Variants in OCA2 observed in about 807,000 individuals in gnomAD.
OCA2 encodes the protein P protein.
OCA2 carries 77 observed loss-of-function variants against 100.2 expected under a neutral mutation model. The ratio of observed to expected loss-of-function variants is 0.77; its 90% CI spans 0.64 to 0.93. OCA2 has a LOEUF of 0.93. OCA2 is among the 40% of genes least tolerant of loss of function. The pLI, the probability that OCA2 is intolerant of heterozygous loss-of-function variation, is 0.00. For missense variants in OCA2, 1,062 were observed against 1,089.1 expected, an observed-to-expected ratio of 0.98 and a Z score of 0.35; for synonymous variants, 432 against 439.2, an observed-to-expected ratio of 0.98 and a Z score of 0.21.
intron 5 of OCA2, among the ~76,000 whole-genome samples, chr15:28,023,556 C>A (rs868660758): frequency 1.3e-5 from 2 of 152,070 alleles, no homozygotes; most frequent in Admixed American, 6.6e-5. Flanking sequence ...GGGCAGGCTG[C>A]GTGGGAGAGC....
intron 23 of OCA2, among the ~76,000 whole-genome samples, chr15:27,837,982 A>T (rs2035217672): frequency 6.6e-6 from 1 of 151,964 alleles, no homozygotes. Context: ...CCTGGAACTG[A>T]CTCCGGCTGG....
intron 16 of OCA2, among the ~76,000 whole-genome samples, chr15:27,956,356 A>G (rs1032103171): frequency 6.6e-6 from 1 of 152,172 alleles, no homozygotes; most frequent in Non-Finnish European, 1.5e-5. Flanking sequence ...TCTCAAAAAA[A>G]TAAAACCTGC....
At chr15:27,791,648 A>G (rs1332037442) in intron 23 of OCA2, among the ~76,000 whole-genome samples, 1 of 152,210 alleles carries the variant, frequency 6.6e-6, no homozygotes, top group Non-Finnish European at 1.5e-5. Context: ...TACTGCATGT[A>G]TAATAAGACG....
intron 19 of OCA2, among the ~76,000 whole-genome samples, chr15:27,916,829 T>TG (rs1567102715): frequency 6.6e-6 from 1 of 152,078 alleles, no homozygotes; most frequent in Non-Finnish European, 1.5e-5. Context: ...TGCTTCAGAG[T>TG]GGGGCCTGTT....
At chr15:28,088,715 A>G (rs1291611356) in intron 1 of OCA2, among the ~76,000 whole-genome samples, 2 of 152,232 alleles carry the variant, frequency 1.3e-5, no homozygotes, top group Non-Finnish European at 2.9e-5. Flanking sequence ...GAGGGAGTAC[A>G]TGAATAGGGT....
chr15:27,993,635 C>G (rs1195663286), intron 9 of OCA2, among the ~76,000 whole-genome samples: 4 of 152,156 alleles, frequency 2.6e-5, no homozygotes, highest in Admixed American at 1.3e-4. Context: ...AGCACCCTCG[C>G]TAAGTTTGCT....
chr15:27,757,642 T>C (rs1231610054), intron 23 of OCA2, among the ~76,000 whole-genome samples: 1 of 152,182 alleles, frequency 6.6e-6, no homozygotes, highest in African/African-American at 2.4e-5. Context: ...ATTAAATGTC[T>C]CCATAACTCA....
intron 9 of OCA2, among the ~76,000 whole-genome samples, chr15:28,003,090 C>T (rs935566955): frequency 1.3e-5 from 2 of 152,224 alleles, no homozygotes; most frequent in Non-Finnish European, 1.5e-5. Flanking sequence ...CCGCGTCAGC[C>T]ACGCACGGAC....
chr15:27,828,019 A>AT (rs1251818771), intron 23 of OCA2, among the ~76,000 whole-genome samples: 2 of 152,080 alleles, frequency 1.3e-5, no homozygotes, highest in Non-Finnish European at 2.9e-5. Context: ...TCTTGTGACG[A>AT]TTTTTTCTTA....
chr15:27,994,501 C>T (rs891058467), intron 9 of OCA2, among the ~76,000 whole-genome samples: 4 of 152,208 alleles, frequency 2.6e-5, no homozygotes, highest in African/African-American at 9.7e-5. Flanking sequence ...ACAGAACGCA[C>T]CACCTAGCTT....
intron 19 of OCA2, among the ~76,000 whole-genome samples, chr15:27,878,310 T>C (rs564862640): frequency 6.6e-6 from 1 of 152,274 alleles, no homozygotes; most frequent in South Asian, 2.1e-4. Context: ...TCTGCTGTTC[T>C]TCATCCCTAA....
intron 6 of OCA2, among the ~76,000 whole-genome samples, chr15:28,019,236 G>A (rs190857513): frequency 6.6e-6 from 1 of 151,920 alleles, no homozygotes; most frequent in Non-Finnish European, 1.5e-5. Flanking sequence ...GGGAGGGAGA[G>A]AATAGGGAGA....
At chr15:27,985,232 G>C (rs117886461) in intron 12 of OCA2, 44 bp from the exon 13 acceptor site, 2 of 1,611,140 alleles carry the variant, frequency 1.2e-6, no homozygotes, top group Admixed American at 1.7e-5. Flanking sequence ...GAGTGAGCAG[G>C]CTCGTAGAAC....
chr15:27,957,746 A>C lies in OCA2; in HGVS notation c.1637-11T>G. The stretch of plus-strand genomic sequence containing the variant: ...TCTCGTGCTTCAGTTCTGCAGAGAA[A>C]GGAAGGCGAAGCTTGGGTCTCCCAT... On this transcript the variant is annotated splice_polypyrimidine_tract_variant and intron_variant, in intron 15 of 23. Transcript: ENST00000354638. The surrounding 1 kb of genome is among the most constrained non-coding windows in gnomAD (Gnocchi z 4.3). 6.2e-7 allele frequency: 1 copy of C among 1,613,086 alleles called. No individual in the cohort carries two copies. Among genetic ancestry groups the C allele is most frequent in the Non-Finnish European group, 8.5e-7 (1 of 1,180,012 alleles).
At chr15:27,767,848 T>C (rs1347294991) in intron 23 of OCA2, among the ~76,000 whole-genome samples, 2 of 152,212 alleles carry the variant, frequency 1.3e-5, no homozygotes, top group African/African-American at 4.8e-5. Flanking sequence ...GGAAGCTTTG[T>C]TCTTTCACTC....
At chr15:27,989,104 A>G (rs2041458636) in intron 11 of OCA2, among the ~76,000 whole-genome samples, 1 of 152,092 alleles carries the variant, frequency 6.6e-6, no homozygotes, top group South Asian at 2.1e-4. Flanking sequence ...TAGGACTCAC[A>G]CTAGTGAGTC....
chr15:27,791,492 G>C (rs1040988826), intron 23 of OCA2, among the ~76,000 whole-genome samples: 1 of 152,174 alleles, frequency 6.6e-6, no homozygotes, highest in African/African-American at 2.4e-5. Context: ...GCCAGTGGTT[G>C]CTCGGGGGAA....
intron 13 of OCA2, among the ~76,000 whole-genome samples, chr15:27,984,166 C>T (rs2041264095): frequency 6.6e-6 from 1 of 151,966 alleles, no homozygotes; most frequent in African/African-American, 2.4e-5. Context: ...TTCATGCTAA[C>T]TGTATTCACC....
chr15:27,849,221 A>G (rs866994536), intron 22 of OCA2, among the ~76,000 whole-genome samples: 1 of 118,212 alleles, frequency 8.5e-6, no homozygotes, highest in African/African-American at 4.2e-5. Flanking sequence ...ACACAGCCAC[A>G]TGCTGCCTGG....
Sources: allele counts gnomAD v4.1 joint callset (sites outside exome capture counted in the v4.1 genomes callset), GRCh38; gene constraint gnomAD v4.1.1; non-coding constraint Gnocchi (gnomAD v3.1); transcripts MANE v1.5; gene names NCBI Gene and HGNC (gene_info 2026-07-23, HGNC 2026-07-21).